The following OCA2 variants were observed in gnomAD, a reference collection of about 807,000 sequenced individuals.
OCA2 encodes OCA2 melanosomal transmembrane protein, also known as P protein.
Under a neutral mutation model 100.2 loss-of-function variants are expected in OCA2, and 77 were observed. The ratio of observed to expected loss-of-function variants is 0.77; its 90% CI spans 0.64 to 0.93. OCA2 has a LOEUF of 0.93. Ranked by LOEUF, OCA2 falls within the 40% of genes least tolerant of loss-of-function variation. The pLI is 0.00. For synonymous variants in OCA2, 432 were observed against 439.2 expected (o/e 0.98, Z 0.21); for missense variants, 1,062 against 1,089.1 (o/e 0.98, Z 0.35).
chr15:27,739,308 C>T, the OCA2 span, among the ~76,000 whole-genome samples: 1 of 152,138 alleles, frequency 6.6e-6, no homozygotes, highest in South Asian at 2.1e-4. Flanking sequence ...GGTGCGTGGT[C>T]ACCCTGTCTT....
At chr15:27,894,592 T>C (rs12438553) in intron 19 of OCA2, among the ~76,000 whole-genome samples, 52,634 of 152,064 alleles carry the variant, frequency 0.35, 9,521 homozygotes, top group Middle Eastern at 0.51. Context: ...CAGCCAGGTG[T>C]GATTGTATAT....
At chr15:27,997,961 A>G (rs1335228606) in intron 9 of OCA2, among the ~76,000 whole-genome samples, 1 of 125,924 alleles carries the variant, frequency 7.9e-6, no homozygotes, top group Non-Finnish European at 1.8e-5. Flanking sequence ...GAGTTCACTC[A>G]TGATTTGGCT....
intron 19 of OCA2, among the ~76,000 whole-genome samples, chr15:27,874,528 A>G (rs1423355262): frequency 6.6e-6 from 1 of 152,218 alleles, no homozygotes; most frequent in Non-Finnish European, 1.5e-5. Flanking sequence ...TTGCATCTCC[A>G]GGGACACAAG....
At chr15:28,080,748 T>C (rs2044595252) in intron 2 of OCA2, among the ~76,000 whole-genome samples, 2 of 152,214 alleles carry the variant, frequency 1.3e-5, no homozygotes, top group African/African-American at 4.8e-5. Context: ...ATGTAATCGA[T>C]ATGGCCCAAC....
intron 11 of OCA2, 71 bp from the exon 12 acceptor site, chr15:27,986,714 C>T: frequency 2.0e-6 from 2 of 1,017,986 alleles, no homozygotes; most frequent in Non-Finnish European, 3.2e-6. Context: ...TCAGCATGAT[C>T]CCTTACACAT....
chr15:27,868,363 A>G (rs188094503), intron 21 of OCA2, among the ~76,000 whole-genome samples: 10 of 152,326 alleles, frequency 6.6e-5, no homozygotes, highest in Admixed American at 2.6e-4. Context: ...ATGAATATAT[A>G]TGCAATGAAA....
chr15:28,061,557 A>C (rs1023500358), intron 2 of OCA2, among the ~76,000 whole-genome samples: 1 of 152,166 alleles, frequency 6.6e-6, no homozygotes, highest in Non-Finnish European at 1.5e-5. Flanking sequence ...AATAGGATGG[A>C]GTCCTTGTGA....
Position 27,786,428 on chromosome 15 carries a change from C to T in OCA2, c.2433-30956G>A, listed in dbSNP as rs113536414. On this transcript the variant is annotated intron_variant, in intron 23 of 23. Coordinates refer to ENST00000354638, the MANE Select transcript of OCA2 (RefSeq NM_000275.3). ...ATGAACTGAGTCTTGAATATGAACACCTTTCCATTAGTTGAGTCTTTCTTA... is the reference window on the plus strand; with the variant it reads ...ATGAACTGAGTCTTGAATATGAACATCTTTCCATTAGTTGAGTCTTTCTTA... Among the ~76,000 whole-genome samples, 934 of 152,262 alleles carry T rather than the reference C, an allele frequency of 6.1e-3. 17 individuals carry two copies. Among genetic ancestry groups the T allele is most frequent in the African/African-American group, 0.021 (870 of 41,562 alleles).
the OCA2 span, among the ~76,000 whole-genome samples, chr15:27,740,852 T>C: frequency 6.6e-6 from 1 of 152,106 alleles, no homozygotes; most frequent in Non-Finnish European, 1.5e-5. Context: ...TGAGAGAAGC[T>C]CCCATGCTTG....
At chr15:28,063,660 G>A (rs1173726478) in intron 2 of OCA2, among the ~76,000 whole-genome samples, 1 of 151,970 alleles carries the variant, frequency 6.6e-6, no homozygotes, top group Non-Finnish European at 1.5e-5. Context: ...CTTAATTTCA[G>A]CTCTATACAG....
intron 23 of OCA2, among the ~76,000 whole-genome samples, chr15:27,785,288 C>T (rs768697184): frequency 6.6e-6 from 1 of 152,070 alleles, no homozygotes; most frequent in Non-Finnish European, 1.5e-5. Context: ...CGCAAAAGAA[C>T]TGAAAACAGG....
At chr15:28,016,063 C>G in intron 8 of OCA2, 41 bp downstream of exon 8, 1 of 1,524,778 alleles carries the variant, frequency 6.6e-7, no homozygotes, top group African/African-American at 1.4e-5. Flanking sequence ...CGCACGTGTC[C>G]CAGAGAGCCT....
At chr15:27,839,304 C>T (rs538173275) in intron 23 of OCA2, among the ~76,000 whole-genome samples, 28 of 152,172 alleles carry the variant, frequency 1.8e-4, no homozygotes, top group Non-Finnish European at 3.1e-4. Flanking sequence ...AAGATATACA[C>T]ATAGAGAAAC....
chr15:27,905,672 G>T (rs530702749), intron 19 of OCA2, among the ~76,000 whole-genome samples: 1 of 152,354 alleles, frequency 6.6e-6, no homozygotes, highest in South Asian at 2.1e-4. Flanking sequence ...GTTCCGCAAG[G>T]CAGGAGTCGG....
intron 18 of OCA2, among the ~76,000 whole-genome samples, chr15:27,931,009 G>A (rs1335113457): frequency 2.6e-5 from 4 of 152,132 alleles, no homozygotes; most frequent in Admixed American, 2.6e-4. Flanking sequence ...TGATAGTTAT[G>A]TGTGTGACTT....
intron 2 of OCA2, among the ~76,000 whole-genome samples, chr15:28,055,598 A>C (rs1322474996): frequency 6.6e-6 from 1 of 152,140 alleles, no homozygotes; most frequent in African/African-American, 2.4e-5. Flanking sequence ...TAGGAAAGCT[A>C]TGTGTGGAAT....
chr15:28,026,533 G>A (rs556987360), intron 4 of OCA2, among the ~76,000 whole-genome samples: 2 of 152,212 alleles, frequency 1.3e-5, no homozygotes, highest in Non-Finnish European at 2.9e-5. Context: ...ACAGGCCGTT[G>A]AGAGTCACAG....
chr15:27,871,365 A>G, intron 20 of OCA2, 107 bp from the exon 21 acceptor site: 1 of 797,398 alleles, frequency 1.3e-6, no homozygotes, highest in South Asian at 1.4e-5. Context: ...CCTTCCTCTT[A>G]CCCATCACGA....
chr15:27,843,588 G>A (rs1595501820), intron 23 of OCA2, among the ~76,000 whole-genome samples: 2 of 152,280 alleles, frequency 1.3e-5, no homozygotes, highest in South Asian at 2.1e-4. Context: ...TCCCTTAGCG[G>A]CAGGGTCAGC....
Sources: allele counts gnomAD v4.1 joint callset (sites outside exome capture counted in the v4.1 genomes callset), GRCh38; gene constraint gnomAD v4.1.1; transcripts MANE v1.5; gene names NCBI Gene and HGNC (gene_info 2026-07-23, HGNC 2026-07-21).